The following PTPRD variants were observed in gnomAD, a reference collection of about 807,000 sequenced individuals.
PTPRD encodes the protein protein tyrosine phosphatase receptor type D.
PTPRD carries 34 observed loss-of-function variants against 214.5 expected under a neutral mutation model. That is an observed-to-expected ratio of 0.16 (90% CI 0.12 to 0.21). The LOEUF is 0.21. Ranked by LOEUF, PTPRD falls within the 10% of genes least tolerant of loss-of-function variation. The pLI, the probability that PTPRD is intolerant of heterozygous loss-of-function variation, is 1.00. For missense variants in PTPRD, 2,545 were observed against 2,398.7 expected (o/e 1.06, Z -1.27); for synonymous variants, 1,128 against 845.7 (o/e 1.33, Z -5.79).
chr9:10,576,020 T>C (rs1460900221), intron 2 of PTPRD, among the ~76,000 whole-genome samples: 3 of 152,180 alleles, frequency 2.0e-5, no homozygotes, highest in Admixed American at 6.5e-5. Flanking sequence ...TCAAGGAACA[T>C]ATGCATTAGA....
chr9:9,395,202 G>T (rs2067341600), intron 9 of PTPRD, among the ~76,000 whole-genome samples: 2 of 144,730 alleles, frequency 1.4e-5, no homozygotes, highest in South Asian at 2.2e-4. Flanking sequence ...AAAAAAAAAA[G>T]TATGGGGTCT....
At position 8,316,857 on chromosome 9, in the gene PTPRD, C is replaced by T. The variant is rs574351383; in HGVS notation, c.*1017G>A. Reference sequence around the variant, plus strand: ...AAATGGAAAGAGATGTTTACAATAGCTTTTCTACGTTTAAAAAAACTAAAT... The same window carrying T: ...AAATGGAAAGAGATGTTTACAATAGTTTTTCTACGTTTAAAAAAACTAAAT... On this transcript the variant is annotated 3_prime_UTR_variant, in exon 46 of 46. Coordinates refer to ENST00000381196, the MANE Select transcript of PTPRD (RefSeq NM_002839.4). 22 of 230,654 alleles carry T rather than the reference C, an allele frequency of 9.5e-5. No individual in the cohort carries two copies. The highest frequency in any genetic ancestry group is 1.6e-4 in the Non-Finnish European group (19 of 116,430). The allele number at this position is 230,654 out of a possible 1,614,324, so 14.3% of individuals were successfully genotyped here. A position where few individuals can be genotyped will look rare whatever the true frequency, so the allele number is the denominator to read the frequency against.
rs2095030806 is a variant in PTPRD, at chr9:9,618,349, C to T, written c.-286-43568G>A. Among the ~76,000 whole-genome samples the T allele has an allele frequency of 2.0e-5, 3 of 151,728 alleles. No homozygotes were observed. The South Asian group carries it at 6.2e-4, about 32-fold the overall frequency. ...GGATTACTCAAGTCATTAGAGACTA[C>T]ACTTTAACCTCTTTTTTCCTCCATA... On this transcript the variant is annotated intron_variant, in intron 7 of 45. Coordinates refer to ENST00000381196, the MANE Select transcript of PTPRD (RefSeq NM_002839.4).
intron 6 of PTPRD, among the ~76,000 whole-genome samples, chr9:9,762,116 C>G (rs1397885458): frequency 1.3e-5 from 2 of 152,174 alleles, no homozygotes; most frequent in African/African-American, 4.8e-5. Context: ...CCAGGACAGT[C>G]CTGCCCTCAA....
At chr9:10,094,062 C>T (rs1356203288) in intron 3 of PTPRD, among the ~76,000 whole-genome samples, 1 of 151,292 alleles carries the variant, frequency 6.6e-6, no homozygotes, top group Middle Eastern at 3.2e-3. Flanking sequence ...CATAACAAAT[C>T]TGCACATGTA....
At chr9:8,782,750 A>G (rs906243030) in intron 11 of PTPRD, among the ~76,000 whole-genome samples, 1 of 151,828 alleles carries the variant, frequency 6.6e-6, no homozygotes, top group Non-Finnish European at 1.5e-5. Context: ...GGCGCACACC[A>G]CCACCTGACT....
intron 11 of PTPRD, among the ~76,000 whole-genome samples, chr9:8,813,479 T>C (rs1309556411): frequency 6.6e-6 from 1 of 152,186 alleles, no homozygotes; most frequent in African/African-American, 2.4e-5. Flanking sequence ...GAAGCAATCC[T>C]CCTGCCTCAG....
rs1825600580 is a variant in PTPRD at position 8,319,837 on chromosome 9, C to G, written c.5664G>C (p.Gln1888His). The part of the protein sequence containing the change: ...MLRTQRPAMV[Q>H]TEDQYQFSYR... ...ATGCAATGGATTTTCTCACCTCTGT[C>G]TGTACCATAGCTGGTCGTTGTGTTC... The change falls in exon 45 of 46, where the codon CAG becomes CAC. Residue 1888 changes from glutamine (Q) to histidine (H), a missense_variant. Physicochemically the swap from Gln to His is conservative, Grantham distance 24. Transcript: ENST00000381196. 6.2e-7 allele frequency: 1 copy of G among 1,612,720 alleles called. No individual in the cohort carries two copies. Among genetic ancestry groups the G allele is most frequent in the Non-Finnish European group, 8.5e-7 (1 of 1,179,220 alleles).
At chr9:9,348,876 C>G (rs1399526463) in intron 9 of PTPRD, among the ~76,000 whole-genome samples, 2 of 152,074 alleles carry the variant, frequency 1.3e-5, no homozygotes, top group African/African-American at 4.8e-5. Context: ...AATCTGTGTG[C>G]TGCTTCTCTT....
At chr9:8,893,509 C>A (rs1041515733) in intron 11 of PTPRD, among the ~76,000 whole-genome samples, 1 of 152,162 alleles carries the variant, frequency 6.6e-6, no homozygotes, top group Non-Finnish European at 1.5e-5. Context: ...ATTGACAAAA[C>A]CCAACAATCC....
intron 4 of PTPRD, among the ~76,000 whole-genome samples, chr9:9,951,741 G>A (rs1200393138): frequency 1.3e-5 from 2 of 152,192 alleles, no homozygotes; most frequent in Non-Finnish European, 1.5e-5. Context: ...GTATAATTCT[G>A]CATCAGGAGG....
At chr9:9,394,576 G>A (rs926097429) in intron 9 of PTPRD, among the ~76,000 whole-genome samples, 3 of 151,982 alleles carry the variant, frequency 2.0e-5, no homozygotes, top group Non-Finnish European at 4.4e-5. Flanking sequence ...GATAATAATA[G>A]CACATATTAT....
intron 7 of PTPRD, among the ~76,000 whole-genome samples, chr9:9,636,665 A>G (rs907227170): frequency 2.0e-5 from 3 of 152,226 alleles, no homozygotes; most frequent in Non-Finnish European, 4.4e-5. Flanking sequence ...TAGAAGACAG[A>G]TTGTCACCAG....
intron 10 of PTPRD, among the ~76,000 whole-genome samples, chr9:9,068,127 C>T (rs892673177): frequency 2.6e-5 from 4 of 151,934 alleles, no homozygotes; most frequent in African/African-American, 9.7e-5. Flanking sequence ...TTAGCTTTTA[C>T]TTAGCATAAT....
chr9:8,482,367 CTTG>C (rs778117546), intron 30 of PTPRD, among the ~76,000 whole-genome samples: 17 of 152,168 alleles, frequency 1.1e-4, no homozygotes, highest in African/African-American at 2.6e-4. Flanking sequence ...CCTTTAGAAT[CTTG>C]TTATTTGCCT....
chr9:10,513,187 T>C (rs1034887727), intron 2 of PTPRD, among the ~76,000 whole-genome samples: 13 of 151,568 alleles, frequency 8.6e-5, no homozygotes, highest in Admixed American at 3.9e-4. Context: ...TGTGTATGTG[T>C]GTGTGTGTGT....
In PTPRD at chr9:8,863,274, C is replaced by G. The variant is rs1033380998; in HGVS notation, c.-103-129328G>C. On this transcript the variant is annotated intron_variant, in intron 11 of 45. Coordinates refer to ENST00000381196, the MANE Select transcript of PTPRD (RefSeq NM_002839.4). ...CAATACTGGCTCTGCTACTGGAGAT[C>G]ACAGCATGCGACTGTGACAAATGGA... Among the ~76,000 whole-genome samples, 5 of 151,946 alleles carry G rather than the reference C, an allele frequency of 3.3e-5. No individual in the cohort carries two copies. In the East Asian group the frequency reaches 7.7e-4, roughly 23 times the overall value.
intron 9 of PTPRD, among the ~76,000 whole-genome samples, chr9:9,204,683 T>C (rs2132462227): frequency 6.6e-6 from 1 of 152,330 alleles, no homozygotes; most frequent in South Asian, 2.1e-4. Context: ...TTGATGGTCC[T>C]GTTAAATGCA....
intron 11 of PTPRD, among the ~76,000 whole-genome samples, chr9:8,879,253 G>T (rs1022422693): frequency 7.4e-4 from 113 of 152,204 alleles, no homozygotes; most frequent in African/African-American, 2.7e-3. Context: ...CTCCTTCAAA[G>T]CTATTTCATT....
Sources: gnomAD v4.1 joint callset for allele counts (sites outside exome capture counted in the v4.1 genomes callset) on GRCh38, gnomAD v4.1.1 for gene constraint, MANE v1.5 for transcripts, NCBI Gene and HGNC (gene_info 2026-07-23, HGNC 2026-07-21) for gene names.